RYR2: variants seen among roughly 807,000 people sequenced by gnomAD.
RYR2 encodes the protein cardiac muscle ryanodine receptor-calcium release channel.
A neutral mutation model predicts 601.1 loss-of-function variants in RYR2; 227 were observed. The observed-to-expected ratio is 0.38, with a 90% CI of 0.34 to 0.42. The LOEUF (loss-of-function observed/expected upper bound fraction) is 0.42, where lower values mean the gene tolerates loss of function less well. Among genes scored for constraint, RYR2 ranks in the 10% least tolerant of loss-of-function variants. The pLI, the probability that RYR2 is intolerant of heterozygous loss-of-function variation, is 1.00. For synonymous variants in RYR2, 2,223 were observed against 2,175.1 expected (o/e 1.02, Z -0.61); for missense variants, 4,646 against 6,156.5 (o/e 0.75, Z 8.21).
In RYR2 at chr1:237,269,042, C is replaced by CTTTTTT. The variant is rs200563683; in HGVS notation, c.49-1445_49-1440dup. Reference sequence around the variant, plus strand: ...ACCTTTCCAATTTATATAGCATATTCTTTTTTTTTTTTTTTGTGAGACAGA... The same window carrying CTTTTTT: ...ACCTTTCCAATTTATATAGCATATTCTTTTTTTTTTTTTTTTTTTTTGTGAGACAGA... On this transcript the variant is annotated intron_variant, in intron 1 of 104. Coordinates refer to ENST00000366574, the MANE Select transcript of RYR2 (RefSeq NM_001035.3). Among the ~76,000 whole-genome samples, 30 of 113,196 alleles carry CTTTTTT rather than the reference C, an allele frequency of 2.7e-4. 3 individuals carry two copies. Among genetic ancestry groups the CTTTTTT allele is most frequent in the African/African-American group, 7.3e-4 (20 of 27,342 alleles). The allele number at this position is 113,196 out of a possible 152,430, so 74.3% of individuals were successfully genotyped here. A position where few individuals can be genotyped will look rare whatever the true frequency, so the allele number is the denominator to read the frequency against.
chr1:237,586,060 T>C (rs1328978717), intron 29 of RYR2, among the ~76,000 whole-genome samples: 4 of 152,224 alleles, frequency 2.6e-5, no homozygotes, highest in Non-Finnish European at 5.9e-5. Context: ...TTTAACTTAA[T>C]ATTACATATT....
chr1:237,190,560 G>A (rs1000284766), intron 1 of RYR2, among the ~76,000 whole-genome samples: 2 of 151,920 alleles, frequency 1.3e-5, no homozygotes, highest in East Asian at 1.9e-4. Flanking sequence ...ATTAACTGCA[G>A]ATTGAAACTA....
At chr1:237,311,772 G>C (rs1486066252) in intron 2 of RYR2, among the ~76,000 whole-genome samples, 5 of 152,004 alleles carry the variant, frequency 3.3e-5, no homozygotes, top group African/African-American at 1.2e-4. Context: ...AACCACCATT[G>C]TCGGGACTGA....
chr1:237,511,296 C>CAA (rs764004466), intron 23 of RYR2, among the ~76,000 whole-genome samples: 2,915 of 88,164 alleles, frequency 0.033, 61 homozygotes, highest in Non-Finnish European at 0.053. Context: ...GTGTATGGAC[C>CAA]AAAAAAAAAA....
At chr1:237,212,355 A>G (rs1231004077) in intron 1 of RYR2, among the ~76,000 whole-genome samples, 1 of 152,304 alleles carries the variant, frequency 6.6e-6, no homozygotes, top group South Asian at 2.1e-4. Flanking sequence ...TCATCCCTCT[A>G]TTAATGAACA....
At chr1:237,267,870 G>C (rs1438756468) in intron 1 of RYR2, among the ~76,000 whole-genome samples, 1 of 152,138 alleles carries the variant, frequency 6.6e-6, no homozygotes, top group Non-Finnish European at 1.5e-5. Flanking sequence ...ATCAATTTCT[G>C]GAAATATGTC....
chr1:237,065,388 TCCTG>T (rs1663466789), intron 1 of RYR2, among the ~76,000 whole-genome samples: 1 of 149,966 alleles, frequency 6.7e-6, no homozygotes, highest in South Asian at 2.2e-4. Context: ...CAAGCCATTC[TCCTG>T]CCTCAGCCTC....
At chr1:237,396,417 A>G (rs1231376527) in intron 10 of RYR2, among the ~76,000 whole-genome samples, 2 of 152,242 alleles carry the variant, frequency 1.3e-5, no homozygotes, top group Non-Finnish European at 1.5e-5. Flanking sequence ...GGTTGTGGAT[A>G]TCTTTGAGAA....
intron 25 of RYR2, among the ~76,000 whole-genome samples, chr1:237,537,828 T>C (rs1474972557): frequency 1.3e-5 from 2 of 152,136 alleles, no homozygotes; most frequent in Non-Finnish European, 2.9e-5. Flanking sequence ...TAGAGCCAGA[T>C]ATATGGAAGA....
chr1:237,404,953 C>T (rs1170916226), intron 10 of RYR2, among the ~76,000 whole-genome samples: 1 of 152,240 alleles, frequency 6.6e-6, no homozygotes, highest in Non-Finnish European at 1.5e-5. Flanking sequence ...CTGGGAACCA[C>T]TGGTGAGCTC....
intron 12 of RYR2, among the ~76,000 whole-genome samples, chr1:237,436,274 A>AT (rs1407778529): frequency 2.0e-5 from 2 of 98,010 alleles, no homozygotes; most frequent in Non-Finnish European, 4.8e-5. Flanking sequence ...AGGGGAGGGT[A>AT]TTGTACGGGG....
At chr1:237,365,300 G>A (rs940195785) in intron 5 of RYR2, among the ~76,000 whole-genome samples, 1 of 152,150 alleles carries the variant, frequency 6.6e-6, no homozygotes, top group Non-Finnish European at 1.5e-5. Flanking sequence ...AAGGAAGCGC[G>A]TTCTTGTCAG....
chr1:237,526,420 C>T (rs1378624219), intron 24 of RYR2, among the ~76,000 whole-genome samples: 3 of 151,668 alleles, frequency 2.0e-5, no homozygotes, highest in Non-Finnish European at 4.4e-5. Flanking sequence ...GATCATAGGT[C>T]ACTGCAGCCT....
At chr1:237,547,155 G>A (rs953244296) in intron 25 of RYR2, among the ~76,000 whole-genome samples, 5 of 151,376 alleles carry the variant, frequency 3.3e-5, no homozygotes, top group Non-Finnish European at 7.4e-5. Context: ...ACAGGCACCC[G>A]CCACCACACC....
chr1:237,587,625 C>T (rs376615091), intron 29 of RYR2, among the ~76,000 whole-genome samples: 8 of 151,992 alleles, frequency 5.3e-5, no homozygotes, highest in African/African-American at 7.2e-5. Context: ...GAATAATGTT[C>T]GTCTCACGAA....
intron 2 of RYR2, among the ~76,000 whole-genome samples, chr1:237,328,824 A>G (rs775929589): frequency 1.3e-5 from 2 of 152,228 alleles, no homozygotes; most frequent in Non-Finnish European, 2.9e-5. Flanking sequence ...TAAAAACTTA[A>G]AACAGTGTAA....
chr1:237,530,326 T>C (rs1402141850), intron 24 of RYR2, 101 bp from the exon 25 acceptor site: 7 of 660,066 alleles, frequency 1.1e-5, no homozygotes, highest in Non-Finnish European at 1.7e-5. Flanking sequence ...AAAAAAAAAA[T>C]TGTGCTTTCA....
At chr1:237,561,663 G>A (rs2805474) in intron 27 of RYR2, among the ~76,000 whole-genome samples, 126,099 of 152,118 alleles carry the variant, frequency 0.83, 53,738 homozygotes, top group South Asian at 0.92. Context: ...AAAGATTAGG[G>A]CAAAATATGG....
At chr1:237,490,443 G>A (rs1663203473) in intron 17 of RYR2, among the ~76,000 whole-genome samples, 1 of 152,058 alleles carries the variant, frequency 6.6e-6, no homozygotes, top group African/African-American at 2.4e-5. Context: ...TATTAAAAAT[G>A]CTTTTCCATT....
Sources: gnomAD v4.1 joint callset for allele counts (sites outside exome capture counted in the v4.1 genomes callset) on GRCh38, gnomAD v4.1.1 for gene constraint, MANE v1.5 for transcripts, NCBI Gene and HGNC (gene_info 2026-07-23, HGNC 2026-07-21) for gene names.